Variants in UNC93A observed in about 807,000 individuals in gnomAD.
The protein encoded by UNC93A is N-acetylglucosamine transporter UNC93A.
Under a neutral mutation model 47.5 loss-of-function variants are expected in UNC93A, and 43 were observed. The observed-to-expected ratio is 0.91, with a 90% CI of 0.71 to 1.17. The LOEUF is 1.17. UNC93A is among the 50% of genes most tolerant of loss of function. The pLI, the probability that UNC93A is intolerant of heterozygous loss-of-function variation, is 0.00. For missense variants in UNC93A, 605 were observed against 577.6 expected (o/e 1.05, Z -0.49); for synonymous variants, 280 against 258.0 (o/e 1.09, Z -0.82).
chr6:167,288,452 ACACACACACACACACAC>A (rs1783780826), upstream of UNC93A, among the ~76,000 whole-genome samples: 2 of 69,768 alleles, frequency 2.9e-5, no homozygotes, highest in Non-Finnish European at 5.0e-5. Context: ...TCTTCCTTAC[ACACACACACACACACAC>A]ACACACACAC....
intron 4 of UNC93A, among the ~76,000 whole-genome samples, chr6:167,302,583 G>T (rs1007965981): frequency 6.6e-6 from 1 of 152,146 alleles, no homozygotes; most frequent in Non-Finnish European, 1.5e-5. Flanking sequence ...AGTGAGAAAC[G>T]CCTAAATAAA....
In UNC93A at chr6:167,298,089, C is replaced by T; in HGVS notation, c.625+19C>T. ...TACACTGGTACGAGCTCCATCGGCC[C>T]AGGGCAGGGTCCCTAGCAAAGCAGA... On this transcript the variant is annotated intron_variant, in intron 4 of 7. Transcript: ENST00000230256. 1 of 1,612,002 alleles carries T rather than the reference C, an allele frequency of 6.2e-7. No homozygotes were observed. The highest frequency in any genetic ancestry group is 8.5e-7 in the Non-Finnish European group (1 of 1,179,080).
At chr6:167,307,964 CCAAGGCAA>C in intron 7 of UNC93A, 54 bp downstream of exon 7, 2 of 1,602,042 alleles carry the variant, frequency 1.2e-6, no homozygotes, top group Non-Finnish European at 1.7e-6. Flanking sequence ...CGGTCCCTGG[CCAAGGCAA>C]CTGTGGGGCT....
At chr6:167,285,082 CG>C (rs1783701673) in intron 1 of UNC93A, among the ~76,000 whole-genome samples, 1 of 152,094 alleles carries the variant, frequency 6.6e-6, no homozygotes, top group South Asian at 2.1e-4. Context: ...TCTGGGCCTT[CG>C]GGCCCTGCCA....
chr6:167,285,056 G>A (rs1367186116), intron 1 of UNC93A, among the ~76,000 whole-genome samples: 2,865 of 152,260 alleles, frequency 0.019, 69 homozygotes, highest in African/African-American at 0.065. Context: ...AAGCCAACCT[G>A]TTCCTTCCCA....
chr6:167,293,409 C>A (rs908794130), intron 1 of UNC93A, among the ~76,000 whole-genome samples: 1 of 152,184 alleles, frequency 6.6e-6, no homozygotes, highest in Non-Finnish European at 1.5e-5. Context: ...CCCACCCGGG[C>A]CTATTGTCGG....
At chr6:167,274,989 G>A (rs1783515399) in intron 1 of UNC93A, among the ~76,000 whole-genome samples, 1 of 152,166 alleles carries the variant, frequency 6.6e-6, no homozygotes, top group Non-Finnish European at 1.5e-5. Context: ...ACCAGACGTG[G>A]CACTGAGTCC....
intron 1 of UNC93A, among the ~76,000 whole-genome samples, chr6:167,286,163 A>G (rs965068022): frequency 7.2e-5 from 11 of 151,830 alleles, no homozygotes; most frequent in Non-Finnish European, 1.5e-4. Flanking sequence ...AACTTAAGCA[A>G]TAACCTTCAA....
chr6:167,304,799 A>G (rs1455811883), intron 5 of UNC93A, among the ~76,000 whole-genome samples: 2 of 151,926 alleles, frequency 1.3e-5, no homozygotes, highest in Non-Finnish European at 2.9e-5. Context: ...CAAACTCCCA[A>G]CCTCAGGTGA....
intron 1 of UNC93A, among the ~76,000 whole-genome samples, chr6:167,275,365 G>A (rs1474102485): frequency 1.3e-5 from 2 of 152,176 alleles, no homozygotes; most frequent in African/African-American, 2.4e-5. Context: ...TGGAATACAG[G>A]TCAGTCCTCT....
At position 167,304,267 on chromosome 6, in the gene UNC93A, T is replaced by A. The variant is rs150655657; in HGVS notation, c.840+134T>A. The A allele has an allele frequency of 1.1e-3, 920 of 862,536 alleles. 8 individuals are homozygous for A. The African/African-American group carries it at 0.011, about 10-fold the overall frequency. The allele number at this position is 862,536 out of a possible 1,614,324, so 53.4% of individuals were successfully genotyped here. Reference sequence around the variant, plus strand: ...TGGGGCTGGAGGGAGCGGGGTCCTATGCTCCCAGTGCTACCATAGCTGAGT... The same window carrying A: ...TGGGGCTGGAGGGAGCGGGGTCCTAAGCTCCCAGTGCTACCATAGCTGAGT... On this transcript the variant is annotated intron_variant, in intron 5 of 7. Coordinates refer to ENST00000230256, the MANE Select transcript of UNC93A (RefSeq NM_018974.4).
chr6:167,306,673 G>A (rs1778404913), intron 6 of UNC93A, among the ~76,000 whole-genome samples: 2 of 152,232 alleles, frequency 1.3e-5, no homozygotes, highest in Admixed American at 6.5e-5. Context: ...ATCTGCCAGG[G>A]CCATGGAGCC....
At chr6:167,273,393 A>G (rs941558690) in intron 1 of UNC93A, among the ~76,000 whole-genome samples, 1 of 152,104 alleles carries the variant, frequency 6.6e-6, no homozygotes, top group Admixed American at 6.5e-5. Flanking sequence ...ATGCCTCCTC[A>G]TTGGCCCATG....
upstream of UNC93A, among the ~76,000 whole-genome samples, chr6:167,269,117 A>G (rs1171148944): frequency 6.6e-6 from 1 of 152,196 alleles, no homozygotes; most frequent in African/African-American, 2.4e-5. Context: ...AGCCGTAGCG[A>G]GGCTGAGAGG....
chr6:167,302,583 G>A (rs1007965981), intron 4 of UNC93A, among the ~76,000 whole-genome samples: 4 of 152,146 alleles, frequency 2.6e-5, no homozygotes, highest in South Asian at 2.1e-4. Context: ...AGTGAGAAAC[G>A]CCTAAATAAA....
chr6:167,292,913 C>A (rs1281499177), intron 1 of UNC93A, among the ~76,000 whole-genome samples: 1 of 151,970 alleles, frequency 6.6e-6, no homozygotes, highest in African/African-American at 2.4e-5. Flanking sequence ...TTCCTAGGAA[C>A]CGACAGCTCC....
intron 3 of UNC93A, among the ~76,000 whole-genome samples, chr6:167,297,053 G>A (rs548851606): frequency 1.5e-4 from 23 of 152,336 alleles, no homozygotes; most frequent in Admixed American, 7.2e-4. Context: ...AAGGGAAGCC[G>A]TGAAGGTGAT....
chr6:167,302,763 A>T (rs1778277885), intron 4 of UNC93A, among the ~76,000 whole-genome samples: 1 of 152,246 alleles, frequency 6.6e-6, no homozygotes, highest in Admixed American at 6.5e-5. Flanking sequence ...ATAGTTCAAA[A>T]TGCAAATCCA....
intron 1 of UNC93A, among the ~76,000 whole-genome samples, chr6:167,277,116 T>C (rs1175074020): frequency 6.6e-6 from 1 of 152,224 alleles, no homozygotes; most frequent in Admixed American, 6.5e-5. Flanking sequence ...CAGGTGCATT[T>C]GTCTCCAGTA....
Sources: allele counts gnomAD v4.1 joint callset (sites outside exome capture counted in the v4.1 genomes callset), GRCh38; gene constraint gnomAD v4.1.1; transcripts MANE v1.5; gene names NCBI Gene and HGNC (gene_info 2026-07-23, HGNC 2026-07-21).